The following TMX4 variants were observed in gnomAD, a reference collection of about 807,000 sequenced individuals.
TMX4 encodes the protein thioredoxin related transmembrane protein 4, also known as thioredoxin-related transmembrane protein 4.
A neutral mutation model predicts 33.3 loss-of-function variants in TMX4; 23 were observed. The observed-to-expected ratio is 0.69, with a 90% CI of 0.50 to 0.98. TMX4 has a LOEUF of 0.98. Among genes scored for constraint, TMX4 ranks in the 50% least tolerant of loss-of-function variants. The pLI is 0.00. For synonymous variants in TMX4, 164 were observed against 161.5 expected (o/e 1.02, Z -0.12); for missense variants, 399 against 448.9 (o/e 0.89, Z 1.01).
intron 3 of TMX4, 33 bp from the exon 4 acceptor site, chr20:7,999,893 G>T: frequency 6.3e-7 from 1 of 1,590,508 alleles, no homozygotes; most frequent in East Asian, 2.3e-5. Context: ...GAAAGCAAAT[G>T]CATTAAAATA....
At chr20:7,983,651 A>G (rs949284273) in intron 7 of TMX4, 143 bp downstream of exon 7, 2 of 542,878 alleles carry the variant, frequency 3.7e-6, no homozygotes, top group Non-Finnish European at 6.4e-6. Context: ...AAATCTACCT[A>G]GAAAACACAT....
Position 7,982,437 on chromosome 20 carries a change from A to T in TMX4, c.864T>A (p.Gly288=), listed in dbSNP as rs777601219. Residue 288 remains glycine (G), a synonymous_variant, in exon 8 of 8, where the codon GGT becomes GGA. Transcript: ENST00000246024. ...TGGCCTCACTTCTCTCCTCATCCAC[A>T]CCAGCAGCCAAGTTGTCCTCCTCCT... ...EEEEEDNLAA[G]VDEERSEAND... 3.0e-5 allele frequency: 49 copies of T among 1,613,740 alleles called. 1 individual carries two copies. Among genetic ancestry groups the T allele is most frequent in the Non-Finnish European group, 4.0e-5 (47 of 1,179,976 alleles).
rs529311239 is a variant in TMX4 at position 7,986,421 on chromosome 20, A to T, written c.615+867T>A. Among the ~76,000 whole-genome samples the T allele has an allele frequency of 1.4e-4, 21 of 152,304 alleles. 1 individual carries two copies. The Middle Eastern group carries it at 0.01, about 74-fold the overall frequency. Reference sequence around the variant, plus strand: ...TTAAAAAGAACTTGCTAAAGAGCCAAAATTCATTATAAAATATAAGGACAG... The same window carrying T: ...TTAAAAAGAACTTGCTAAAGAGCCATAATTCATTATAAAATATAAGGACAG... On this transcript the variant is annotated intron_variant, in intron 6 of 7. Coordinates refer to ENST00000246024, the MANE Select transcript of TMX4 (RefSeq NM_021156.4).
chr20:7,986,196 A>G (rs1054465641), intron 6 of TMX4, among the ~76,000 whole-genome samples: 1 of 152,238 alleles, frequency 6.6e-6, no homozygotes, highest in African/African-American at 2.4e-5. Context: ...TTAATGCAAC[A>G]GAACAGAACA....
intron 1 of TMX4, among the ~76,000 whole-genome samples, chr20:8,018,422 GAAGA>G (rs1366912332): frequency 2.0e-5 from 1 of 51,264 alleles, no homozygotes; most frequent in African/African-American, 1.0e-4. Context: ...GAGAGAGAGA[GAAGA>G]GAGAGAGGAG....
At chr20:7,995,720 T>A (rs1190892014) in intron 5 of TMX4, among the ~76,000 whole-genome samples, 2 of 152,064 alleles carry the variant, frequency 1.3e-5, no homozygotes, top group Admixed American at 6.6e-5. Flanking sequence ...TGTAGGGAGA[T>A]ATGCCTACAA....
rs571316583 is a variant in TMX4 at position 7,981,622 on chromosome 20, AG to A, written c.*628del. On this transcript the variant is annotated 3_prime_UTR_variant, in exon 8 of 8. Coordinates refer to ENST00000246024, the MANE Select transcript of TMX4 (RefSeq NM_021156.4). ...TGGAGTCCTCTGACCAAGAGATAAT[AG>A]TGAAGAGTGTGGAGAGCCTGAATGC... is the stretch of plus-strand genomic sequence containing the variant. 6.7e-4 allele frequency: 102 copies of A among 152,464 alleles called. No individual in the cohort carries two copies. The highest frequency in any genetic ancestry group is 2.4e-3 in the African/African-American group (98 of 41,578). 9.4% of individuals were successfully genotyped at this position (152,464 alleles called of 1,614,324 possible).
chr20:7,988,054 A>T (rs117717514), intron 5 of TMX4, among the ~76,000 whole-genome samples: 2,085 of 152,344 alleles, frequency 0.014, 55 homozygotes, highest in East Asian at 0.065. Context: ...AAGGGACATA[A>T]TCACAGCTAG....
chr20:7,989,988 T>C (rs979332569), intron 5 of TMX4, among the ~76,000 whole-genome samples: 2 of 152,146 alleles, frequency 1.3e-5, no homozygotes, highest in African/African-American at 4.8e-5. Flanking sequence ...ACTATGGTAC[T>C]AGATGAATAA....
rs920015581 is a variant in TMX4, at chr20:7,986,922, C to T, written c.615+366G>A. 2.0e-5 allele frequency among the ~76,000 whole-genome samples: 3 copies of T among 152,100 alleles called. No individual in the cohort carries two copies. In the East Asian group the frequency reaches 5.8e-4, roughly 29 times the overall value. ...TCTACACAAGGAACAAATTCAAAAC[C>T]TTGGCCTTATCACTACAGTGTTTCT... On this transcript the variant is annotated intron_variant, in intron 6 of 7. Transcript: ENST00000246024.
intron 1 of TMX4, among the ~76,000 whole-genome samples, chr20:8,015,056 C>T (rs1396713546): frequency 2.6e-5 from 4 of 151,270 alleles, no homozygotes; most frequent in Non-Finnish European, 5.9e-5. Flanking sequence ...GGAATAATAC[C>T]GCACTAGATT....
chr20:7,990,098 C>T (rs1308739889), intron 5 of TMX4, among the ~76,000 whole-genome samples: 3 of 152,074 alleles, frequency 2.0e-5, no homozygotes, highest in Non-Finnish European at 4.4e-5. Flanking sequence ...AGTTCGAGAC[C>T]AGCCTGGCCA....
At chr20:7,993,382 C>G (rs1375962100) in intron 5 of TMX4, among the ~76,000 whole-genome samples, 1 of 152,114 alleles carries the variant, frequency 6.6e-6, no homozygotes, top group Non-Finnish European at 1.5e-5. Context: ...ACGTTTGCCA[C>G]AATTATACAT....
At position 7,978,824 on chromosome 20, in the gene TMX4, G is replaced by A. The variant is rs1369635985; in HGVS notation, c.*3427C>T. The stretch of plus-strand genomic sequence containing the variant: ...GCTTCAATATGAGATCTCTGAGCAA[G>A]CTGGGTTGGTTTAGCAGATCTAGCA... On this transcript the variant is annotated 3_prime_UTR_variant, in exon 8 of 8. Transcript: ENST00000246024. The A allele has an allele frequency of 6.6e-6, 1 of 152,186 alleles. No homozygotes were observed. The highest frequency in any genetic ancestry group is 1.5e-5 in the Non-Finnish European group (1 of 68,044). The allele number at this position is 152,186 out of a possible 1,614,324, so 9.4% of individuals were successfully genotyped here.
At chr20:8,001,935 GC>G (rs2050709212) in intron 2 of TMX4, among the ~76,000 whole-genome samples, 1 of 152,078 alleles carries the variant, frequency 6.6e-6, no homozygotes, top group Non-Finnish European at 1.5e-5. Flanking sequence ...TTAGATTAGG[GC>G]AAGTGTTATT....
At chr20:7,998,822 C>T (rs764649981) in intron 4 of TMX4, among the ~76,000 whole-genome samples, 1 of 152,138 alleles carries the variant, frequency 6.6e-6, no homozygotes, top group Non-Finnish European at 1.5e-5. Flanking sequence ...GTCTCCTACT[C>T]CCTCCATCTA....
At chr20:8,010,353 C>A in intron 1 of TMX4, 38 bp from the exon 2 acceptor site, 1 of 1,294,854 alleles carries the variant, frequency 7.7e-7, no homozygotes, top group South Asian at 1.5e-5. Flanking sequence ...GATAAATATA[C>A]AGAAGAAATC....
rs1311328701 is a variant in TMX4 at position 8,019,423 on chromosome 20, G to A, written c.176+15C>T. On this transcript the variant is annotated intron_variant, in intron 1 of 7. Coordinates refer to ENST00000246024, the MANE Select transcript of TMX4 (RefSeq NM_021156.4). ...CGAGGACACTGCGGCGTCCGGGGCG[G>A]GCGGGCACACTCACAATTTCAGCAT... 1.1e-5 allele frequency: 16 copies of A among 1,513,828 alleles called. No individual in the cohort carries two copies. The highest frequency in any genetic ancestry group is 1.2e-5 in the South Asian group (1 of 81,254). 93.8% of individuals were successfully genotyped at this position (1,513,828 alleles called of 1,614,324 possible). A position where few individuals can be genotyped will look rare whatever the true frequency, so the allele number is the denominator to read the frequency against.
At position 8,019,636 on chromosome 20, in the gene TMX4, T is replaced by C; in HGVS notation, c.-23A>G. Reference sequence around the variant, plus strand: ...CATGTTGGGCGCCGAGCGAGGCTTCTCGGCGGGGAGTGTGGGGAAGGGCAG... The same window carrying C: ...CATGTTGGGCGCCGAGCGAGGCTTCCCGGCGGGGAGTGTGGGGAAGGGCAG... On this transcript the variant is annotated 5_prime_UTR_variant, in exon 1 of 8. Coordinates refer to ENST00000246024, the MANE Select transcript of TMX4 (RefSeq NM_021156.4). 1 of 1,328,276 alleles carries C rather than the reference T, an allele frequency of 7.5e-7. No homozygotes were observed. The highest frequency in any genetic ancestry group is 2.1e-5 in the South Asian group (1 of 47,892). The allele number at this position is 1,328,276 out of a possible 1,614,324, so 82.3% of individuals were successfully genotyped here.
Sources: gnomAD v4.1 joint callset for allele counts (sites outside exome capture counted in the v4.1 genomes callset) on GRCh38, gnomAD v4.1.1 for gene constraint, MANE v1.5 for transcripts, NCBI Gene and HGNC (gene_info 2026-07-23, HGNC 2026-07-21) for gene names.